The following ACOT13 variants were observed in gnomAD, a reference collection of about 807,000 sequenced individuals.
The protein encoded by ACOT13 is acyl-CoA thioesterase 13, also known as acyl-coenzyme A thioesterase 13.
Under a neutral mutation model 11.8 loss-of-function variants are expected in ACOT13, and 10 were observed. That is an observed-to-expected ratio of 0.85 (90% CI 0.53 to 1.44). ACOT13 has a LOEUF of 1.44. Ranked by LOEUF, ACOT13 falls within the 40% of genes most tolerant of loss-of-function variation. The pLI is 0.00. For missense variants in ACOT13, 172 were observed against 174.1 expected (o/e 0.99, Z 0.07); for synonymous variants, 53 against 61.0 (o/e 0.87, Z 0.61).
Position 24,667,914 on chromosome 6 carries a change from G to GT in ACOT13, c.81+577dup, listed in dbSNP as rs201101786. 7.5e-3 allele frequency among the ~76,000 whole-genome samples: 1,139 copies of GT among 152,204 alleles called. 7 individuals carry two copies. Among genetic ancestry groups the GT allele is most frequent in the Middle Eastern group, 0.027 (8 of 294 alleles). ...AGCCCGAAGGTGTTTGTTTGTTTTTGTTTTTTTAGGATGAGGTTTCGCCCT... is the reference window on the plus strand; with the variant it reads ...AGCCCGAAGGTGTTTGTTTGTTTTTGTTTTTTTTAGGATGAGGTTTCGCCCT... On this transcript the variant is annotated intron_variant, in intron 1 of 2. Transcript: ENST00000230048.
chr6:24,673,724 A>G (rs916433207), intron 1 of ACOT13, among the ~76,000 whole-genome samples: 3 of 152,192 alleles, frequency 2.0e-5, no homozygotes, highest in Non-Finnish European at 4.4e-5. Flanking sequence ...TTTCTAACCA[A>G]TAATTTCGTG....
intron 1 of ACOT13, among the ~76,000 whole-genome samples, chr6:24,675,858 G>A (rs1582434944): frequency 6.6e-6 from 1 of 152,182 alleles, no homozygotes. Flanking sequence ...ATGGTTTTAA[G>A]CCTAACATTT....
intron 1 of ACOT13, among the ~76,000 whole-genome samples, chr6:24,685,370 A>G (rs1301875929): frequency 1.7e-5 from 2 of 121,028 alleles, no homozygotes; most frequent in Non-Finnish European, 3.4e-5. Flanking sequence ...TTTTTGATAC[A>G]GAGTCTTGCT....
intron 1 of ACOT13, among the ~76,000 whole-genome samples, chr6:24,668,601 A>T (rs1237045334): frequency 6.6e-6 from 1 of 152,198 alleles, no homozygotes; most frequent in African/African-American, 2.4e-5. Context: ...CTAATACCCC[A>T]TTGAAGTCTC....
Position 24,701,451 on chromosome 6 carries a change from C to A in ACOT13, c.267-8C>A. On this transcript the variant is annotated splice_polypyrimidine_tract_variant and splice_region_variant and intron_variant, in intron 2 of 2. Transcript: ENST00000230048. Reference sequence around the variant, plus strand: ...ATCTGCTGTTAACTATATTCATTTTCTTTCAAGGTACATGTCACCTGCAAA... The same window carrying A: ...ATCTGCTGTTAACTATATTCATTTTATTTCAAGGTACATGTCACCTGCAAA... The A allele has an allele frequency of 6.3e-7, 1 of 1,598,358 alleles. No individual in the cohort carries two copies. Among genetic ancestry groups the A allele is most frequent in the Non-Finnish European group, 8.5e-7 (1 of 1,171,560 alleles).
At chr6:24,684,630 T>G (rs1279006119) in intron 1 of ACOT13, among the ~76,000 whole-genome samples, 8 of 152,194 alleles carry the variant, frequency 5.3e-5, no homozygotes, top group African/African-American at 1.9e-4. Context: ...GTGAGTGATA[T>G]CTGTAGTTAT....
intron 1 of ACOT13, among the ~76,000 whole-genome samples, chr6:24,694,542 G>A (rs1778765973): frequency 6.6e-6 from 1 of 152,162 alleles, no homozygotes; most frequent in Non-Finnish European, 1.5e-5. Flanking sequence ...TGATATAACT[G>A]AATAAACAAG....
At chr6:24,667,813 A>G (rs1778285840) in intron 1 of ACOT13, among the ~76,000 whole-genome samples, 1 of 152,224 alleles carries the variant, frequency 6.6e-6, no homozygotes, top group Non-Finnish European at 1.5e-5. Context: ...AAATTTCTCA[A>G]AGGCACCCAA....
intron 1 of ACOT13, among the ~76,000 whole-genome samples, chr6:24,680,327 C>G (rs1778527249): frequency 1.3e-5 from 2 of 152,116 alleles, no homozygotes; most frequent in Non-Finnish European, 2.9e-5. Flanking sequence ...GAATATAAGT[C>G]ATTTCTTTCT....
intron 1 of ACOT13, among the ~76,000 whole-genome samples, chr6:24,669,349 G>A (rs1411975969): frequency 6.6e-6 from 1 of 152,192 alleles, no homozygotes; most frequent in African/African-American, 2.4e-5. Flanking sequence ...GTAGGTGGGA[G>A]ACAAATGGTT....
chr6:24,678,890 G>A (rs1012646553), intron 1 of ACOT13, among the ~76,000 whole-genome samples: 2 of 152,148 alleles, frequency 1.3e-5, no homozygotes, highest in African/African-American at 4.8e-5. Flanking sequence ...TAACCTCCTG[G>A]CCTTCAATGT....
intron 1 of ACOT13, among the ~76,000 whole-genome samples, chr6:24,686,337 ATTTGCG>A (rs1025477403): frequency 1.9e-4 from 29 of 152,160 alleles, no homozygotes; most frequent in African/African-American, 7.0e-4. Flanking sequence ...GTGTTAGTCC[ATTTGCG>A]TTGCTATAAA....
At chr6:24,685,508 G>A (rs369985763) in intron 1 of ACOT13, among the ~76,000 whole-genome samples, 5 of 151,784 alleles carry the variant, frequency 3.3e-5, no homozygotes, top group East Asian at 3.9e-4. Context: ...CACCACGCCC[G>A]GCTAATTTTT....
rs1333341278 is a variant in ACOT13, at chr6:24,667,099, G to C, written c.-165G>C. The C allele has an allele frequency of 2.4e-6, 2 of 848,298 alleles. No homozygotes were observed. Among genetic ancestry groups the C allele is most frequent in the Non-Finnish European group, 3.6e-6 (2 of 556,116 alleles). The allele number at this position is 848,298 out of a possible 1,614,324, so 52.5% of individuals were successfully genotyped here. Reference sequence around the variant, plus strand: ...GTCAGTGAGCAAATCGCGGACCACCGGGGCTGCCAGCTCGCCTGACTCCCG... The same window carrying C: ...GTCAGTGAGCAAATCGCGGACCACCCGGGCTGCCAGCTCGCCTGACTCCCG... On this transcript the variant is annotated 5_prime_UTR_variant, in exon 1 of 3. Coordinates refer to ENST00000230048, the MANE Select transcript of ACOT13 (RefSeq NM_018473.4).
chr6:24,697,941 A>AGCATACCAAT lies in ACOT13; in HGVS notation c.144_153dup (p.Ile52TyrfsTer18), dbSNP rs1778821689. On this transcript the variant is annotated frameshift_variant, in exon 2 of 3. Coordinates refer to ENST00000230048, the MANE Select transcript of ACOT13 (RefSeq NM_018473.4). LOFTEE classifies it high-confidence loss of function. ...ATTTGTGAAATGAAAGTAGAAGAAG[A>AGCATACCAAT]GCATACCAATGCAATAGGCACTCTC... The AGCATACCAAT allele has an allele frequency of 6.2e-7, 1 of 1,613,706 alleles. No individual in the cohort carries two copies. Among genetic ancestry groups the AGCATACCAAT allele is most frequent in the Non-Finnish European group, 8.5e-7 (1 of 1,179,928 alleles).
Position 24,703,002 on chromosome 6 carries a change from TCA to T in ACOT13, c.*1388_*1389del, listed in dbSNP as rs1778919574. Reference sequence around the variant, plus strand: ...CCCAGGCTCAAGACATTCTTCCACCTCAGTCTCCTGAGTAGCTGGAACTACAG... The same window carrying T: ...CCCAGGCTCAAGACATTCTTCCACCTGTCTCCTGAGTAGCTGGAACTACAG... On this transcript the variant is annotated 3_prime_UTR_variant, in exon 3 of 3. Transcript: ENST00000230048. The T allele has an allele frequency of 6.6e-6, 1 of 152,250 alleles. No homozygotes were observed. Among genetic ancestry groups the T allele is most frequent in the Non-Finnish European group, 1.5e-5 (1 of 68,076 alleles). The allele number at this position is 152,250 out of a possible 1,614,324, so 9.4% of individuals were successfully genotyped here.
At chr6:24,690,911 G>C (rs867163783) in intron 1 of ACOT13, among the ~76,000 whole-genome samples, 4 of 152,094 alleles carry the variant, frequency 2.6e-5, no homozygotes, top group Non-Finnish European at 5.9e-5. Context: ...CTCTGAGAAG[G>C]CTTCCCTGGC....
At chr6:24,673,816 C>A (rs561622922) in intron 1 of ACOT13, among the ~76,000 whole-genome samples, 40 of 152,260 alleles carry the variant, frequency 2.6e-4, no homozygotes, top group African/African-American at 7.5e-4. Context: ...TGATCATATA[C>A]AATTTTTTTA....
At chr6:24,700,194 C>T (rs1778869269) in intron 2 of ACOT13, among the ~76,000 whole-genome samples, 1 of 152,164 alleles carries the variant, frequency 6.6e-6, no homozygotes. Flanking sequence ...GACAAAATGT[C>T]AATCTCCAAA....
Sources: allele counts gnomAD v4.1 joint callset (sites outside exome capture counted in the v4.1 genomes callset), GRCh38; gene constraint gnomAD v4.1.1; transcripts MANE v1.5; gene names NCBI Gene and HGNC (gene_info 2026-07-23, HGNC 2026-07-21).